Variants in MBD5 observed in about 807,000 individuals in gnomAD.
The protein encoded by MBD5 is methyl-CpG binding domain protein 5, also known as methyl-CpG-binding domain protein 5.
Under a neutral mutation model 117.3 loss-of-function variants are expected in MBD5, and 13 were observed. That is an observed-to-expected ratio of 0.11 (90% confidence interval 0.07 to 0.18). The LOEUF is 0.18. Among genes scored for constraint, MBD5 ranks in the 10% least tolerant of loss-of-function variants. MBD5 has a pLI of 1.00. For synonymous variants in MBD5, 727 were observed against 766.4 expected, an observed-to-expected ratio of 0.95 and a Z score of 0.85; for missense variants, 1,879 against 2,093.8, an observed-to-expected ratio of 0.90 and a Z score of 2.00.
At chr2:148,410,203 A>G (rs1193370493) in intron 4 of MBD5, among the ~76,000 whole-genome samples, 1 of 152,190 alleles carries the variant, frequency 6.6e-6, no homozygotes, top group Non-Finnish European at 1.5e-5. Flanking sequence ...AAAACTTGAT[A>G]TTAGCAATCA....
At chr2:148,423,676 A>C (rs1705681285) in intron 4 of MBD5, among the ~76,000 whole-genome samples, 1 of 152,194 alleles carries the variant, frequency 6.6e-6, no homozygotes, top group South Asian at 2.1e-4. Flanking sequence ...CATCATAATG[A>C]CAGGATCAGA....
chr2:148,447,163 G>GAA (rs1559075478), intron 4 of MBD5, among the ~76,000 whole-genome samples: 42 of 123,322 alleles, frequency 3.4e-4, no homozygotes, highest in African/African-American at 1.2e-3. Flanking sequence ...AGGAAAGAAA[G>GAA]GAAGAAAGGA....
chr2:148,445,371 G>A (rs1706464128), intron 4 of MBD5, among the ~76,000 whole-genome samples: 1 of 150,770 alleles, frequency 6.6e-6, no homozygotes, highest in Non-Finnish European at 1.5e-5. Flanking sequence ...TCACCTATGA[G>A]TGAGAACATG....
At chr2:148,294,512 T>TTGTTTTTTG (rs1701599281) in intron 3 of MBD5, among the ~76,000 whole-genome samples, 2 of 141,270 alleles carry the variant, frequency 1.4e-5, no homozygotes, top group African/African-American at 5.4e-5. Flanking sequence ...TTTTTTTTTT[T>TTGTTTTTTG]TTTTTTTTTG....
At chr2:148,364,665 A>C (rs1703643654) in intron 4 of MBD5, among the ~76,000 whole-genome samples, 1 of 152,200 alleles carries the variant, frequency 6.6e-6, no homozygotes, top group Non-Finnish European at 1.5e-5. Flanking sequence ...AGCAAATGGA[A>C]AGCAATAAAA....
At chr2:148,484,819 A>G (rs1681284367) in intron 9 of MBD5, among the ~76,000 whole-genome samples, 1 of 152,210 alleles carries the variant, frequency 6.6e-6, no homozygotes, top group African/African-American at 2.4e-5. Flanking sequence ...ATAGGTAACT[A>G]TAATATAAAG....
At chr2:148,201,721 G>T (rs76476795) in intron 2 of MBD5, among the ~76,000 whole-genome samples, 3,504 of 152,258 alleles carry the variant, frequency 0.023, 74 homozygotes, top group African/African-American at 0.057. Context: ...ACAGCTCTCA[G>T]TGGAGAGGGG....
chr2:148,120,065 C>T lies in MBD5; in HGVS notation c.-924-58635C>T, dbSNP rs547846981. Among the ~76,000 whole-genome samples the T allele has an allele frequency of 1.6e-4, 24 of 152,204 alleles. 1 individual carries two copies. The South Asian group carries it at 3.1e-3, about 20-fold the overall frequency. On this transcript the variant is annotated intron_variant, in intron 1 of 13. Transcript: ENST00000642680. ...CTAAGTATCTGGGACTACAGGCGCA[C>T]GCCACCATGCCTGGCTAATTTTTAT...
intron 3 of MBD5, among the ~76,000 whole-genome samples, chr2:148,288,145 A>T (rs1255109423): frequency 6.6e-6 from 1 of 151,394 alleles, no homozygotes. Context: ...TCACGCCTGT[A>T]ATCCCAGCAC....
intron 1 of MBD5, chr2:148,072,183 T>C (rs1223981038): frequency 1.3e-5 from 2 of 152,180 alleles, no homozygotes. Context: ...GTCATAGATA[T>C]ACTGGCTTGA....
At chr2:148,097,926 G>A (rs1016417669) in intron 1 of MBD5, among the ~76,000 whole-genome samples, 3 of 152,166 alleles carry the variant, frequency 2.0e-5, no homozygotes, top group Admixed American at 6.5e-5. Flanking sequence ...CTTCATGAAC[G>A]TTTAAAACTT....
At position 148,198,491 on chromosome 2, in the gene MBD5, T is replaced by C. The variant is rs1232573080; in HGVS notation, c.-831+19698T>C. Among the ~76,000 whole-genome samples, 3 of 152,156 alleles carry C rather than the reference T, an allele frequency of 2.0e-5. No individual in the cohort carries two copies. The East Asian group carries it at 5.8e-4, about 29-fold the overall frequency. On this transcript the variant is annotated intron_variant, in intron 2 of 13. Coordinates refer to ENST00000642680, the MANE Select transcript of MBD5 (RefSeq NM_001378120.1). ...TTATATATTATGATATCATAATATATAAAGAACAATAAATAAGTCTAGGTT... is the reference window on the plus strand; with the variant it reads ...TTATATATTATGATATCATAATATACAAAGAACAATAAATAAGTCTAGGTT...
At chr2:148,208,445 T>C (rs1408464681) in intron 2 of MBD5, among the ~76,000 whole-genome samples, 1 of 151,890 alleles carries the variant, frequency 6.6e-6, no homozygotes, top group Non-Finnish European at 1.5e-5. Flanking sequence ...TTAGTAGAGA[T>C]GGAGTTTCAC....
intron 3 of MBD5, among the ~76,000 whole-genome samples, chr2:148,302,931 G>A (rs955868825): frequency 1.3e-5 from 2 of 149,626 alleles, no homozygotes; most frequent in Non-Finnish European, 1.5e-5. Flanking sequence ...ACACTAAAGC[G>A]TATATGTTTC....
At chr2:148,486,186 G>A (rs1210981602) in intron 10 of MBD5, among the ~76,000 whole-genome samples, 2 of 151,944 alleles carry the variant, frequency 1.3e-5, no homozygotes, top group African/African-American at 4.8e-5. Context: ...AAAACTGATC[G>A]TGTGACCCTC....
At position 148,179,792 on chromosome 2, in the gene MBD5, G is replaced by A. The variant is rs189038877; in HGVS notation, c.-831+999G>A. On this transcript the variant is annotated intron_variant, in intron 2 of 13. Coordinates refer to ENST00000642680, the MANE Select transcript of MBD5 (RefSeq NM_001378120.1). ...TCCTTGCCAAATGGGGACAATGGAAGCCTGGAGAGTATGTGACCTGTAAAC... is the reference window on the plus strand; with the variant it reads ...TCCTTGCCAAATGGGGACAATGGAAACCTGGAGAGTATGTGACCTGTAAAC... Among the ~76,000 whole-genome samples the A allele has an allele frequency of 5.3e-5, 8 of 152,310 alleles. No homozygotes were observed. In the East Asian group the frequency reaches 1.5e-3, roughly 29 times the overall value.
At chr2:148,096,387 A>G (rs1696068186) in intron 1 of MBD5, among the ~76,000 whole-genome samples, 1 of 128,874 alleles carries the variant, frequency 7.8e-6, no homozygotes, top group African/African-American at 2.9e-5. Flanking sequence ...TGCACAGGAC[A>G]GCTCTCAATA....
intron 3 of MBD5, chr2:148,295,693 T>C (rs1204031302): frequency 1.3e-5 from 2 of 153,256 alleles, no homozygotes; most frequent in Non-Finnish European, 2.9e-5. Flanking sequence ...GCAGAAATCT[T>C]GATTCTTAAC....
intron 3 of MBD5, among the ~76,000 whole-genome samples, chr2:148,253,682 GT>G (rs1316600724): frequency 6.6e-6 from 1 of 152,202 alleles, no homozygotes; most frequent in Non-Finnish European, 1.5e-5. Context: ...GAGTCAGTGG[GT>G]GAGTGGCGGG....
Sources: gnomAD v4.1 joint callset for allele counts (sites outside exome capture counted in the v4.1 genomes callset) on GRCh38, gnomAD v4.1.1 for gene constraint, MANE v1.5 for transcripts, NCBI Gene and HGNC (gene_info 2026-07-23, HGNC 2026-07-21) for gene names.